The following NBEA variants were observed in gnomAD, a reference collection of about 807,000 sequenced individuals.
NBEA encodes the protein lysosomal-trafficking regulator 2.
A neutral mutation model predicts 343.4 loss-of-function variants in NBEA; 44 were observed. That is an observed-to-expected ratio of 0.13 (90% CI 0.10 to 0.16). The LOEUF (loss-of-function observed/expected upper bound fraction) is 0.16. NBEA is among the 10% of genes least tolerant of loss of function. NBEA has a pLI of 1.00. For synonymous variants in NBEA, 1,175 were observed against 1,238.7 expected (o/e 0.95, Z 1.08); for missense variants, 2,555 against 3,631.3 (o/e 0.70, Z 7.62).
At chr13:35,052,291 C>A (rs1435505247) in intron 6 of NBEA, among the ~76,000 whole-genome samples, 1 of 151,994 alleles carries the variant, frequency 6.6e-6, no homozygotes, top group African/African-American at 2.4e-5. Context: ...GAAATCTTTA[C>A]ATTAAAGCTT....
intron 1 of NBEA, among the ~76,000 whole-genome samples, chr13:34,949,477 G>A (rs1853572): frequency 0.92 from 139,709 of 152,274 alleles, 64,212 homozygotes; most frequent in Admixed American, 0.97. Context: ...CTCCAGCAGT[G>A]TAGCTGCTAG....
At chr13:35,529,068 A>G (rs1200446213) in intron 41 of NBEA, among the ~76,000 whole-genome samples, 2 of 152,030 alleles carry the variant, frequency 1.3e-5, no homozygotes, top group Admixed American at 1.3e-4. Context: ...TGTACTTACT[A>G]TGTTCTAGGA....
chr13:35,598,282 C>T (rs9574213), intron 47 of NBEA, among the ~76,000 whole-genome samples: 22,837 of 152,036 alleles, frequency 0.15, 1,900 homozygotes, highest in East Asian at 0.32. Context: ...AGTTCTGAAA[C>T]GCAGCCAGGA....
chr13:35,466,326 T>A (rs1412606786), intron 40 of NBEA, among the ~76,000 whole-genome samples: 3 of 152,218 alleles, frequency 2.0e-5, no homozygotes, highest in Non-Finnish European at 4.4e-5. Context: ...TTTGAGTTTA[T>A]AGAATATTTA....
chr13:35,118,756 AG>A (rs2152670676), intron 16 of NBEA, among the ~76,000 whole-genome samples: 2 of 152,248 alleles, frequency 1.3e-5, no homozygotes, highest in African/African-American at 4.8e-5. Flanking sequence ...GACACGAAAA[AG>A]CAAGGCACAT....
intron 1 of NBEA, among the ~76,000 whole-genome samples, chr13:34,998,838 G>T (rs1368400378): frequency 6.6e-6 from 1 of 152,130 alleles, no homozygotes. Flanking sequence ...AGCTTACGAA[G>T]ATGACGGGAT....
At chr13:35,353,284 A>G (rs1373381841) in intron 38 of NBEA, among the ~76,000 whole-genome samples, 1 of 152,102 alleles carries the variant, frequency 6.6e-6, no homozygotes, top group East Asian at 1.9e-4. Context: ...AAAACACAAA[A>G]ATTAGCCAGG....
intron 17 of NBEA, among the ~76,000 whole-genome samples, chr13:35,139,236 T>C (rs2067933322): frequency 6.6e-6 from 1 of 151,802 alleles, no homozygotes; most frequent in Non-Finnish European, 1.5e-5. Flanking sequence ...AATTTTTGTA[T>C]TTTTAGTGTA....
chr13:35,606,855 CTAATA>C (rs1429578739), intron 48 of NBEA, among the ~76,000 whole-genome samples: 3 of 152,070 alleles, frequency 2.0e-5, no homozygotes, highest in Admixed American at 6.6e-5. Flanking sequence ...CATCTGTTGA[CTAATA>C]TAATGTATTC....
intron 34 of NBEA, among the ~76,000 whole-genome samples, chr13:35,242,404 C>A (rs924393053): frequency 4.0e-5 from 6 of 151,682 alleles, no homozygotes; most frequent in African/African-American, 1.5e-4. Flanking sequence ...TGAACAGAGC[C>A]TAAAGGACCA....
intron 48 of NBEA, among the ~76,000 whole-genome samples, chr13:35,622,267 G>A (rs1020349230): frequency 6.6e-6 from 1 of 152,182 alleles, no homozygotes; most frequent in Non-Finnish European, 1.5e-5. Context: ...AGGAAGTCCT[G>A]AGAAACAGTG....
At chr13:35,482,467 C>T (rs573988157) in intron 41 of NBEA, among the ~76,000 whole-genome samples, 32 of 150,896 alleles carry the variant, frequency 2.1e-4, no homozygotes, top group South Asian at 4.2e-4. Context: ...CACACTTTTT[C>T]ATATAATGAT....
intron 30 of NBEA, among the ~76,000 whole-genome samples, chr13:35,190,784 A>G (rs1593678648): frequency 1.3e-5 from 2 of 152,156 alleles, no homozygotes; most frequent in South Asian, 2.1e-4. Flanking sequence ...AAAGCAGTTG[A>G]TATAAAATGC....
chr13:35,292,729 T>C (rs1161657477), intron 35 of NBEA, among the ~76,000 whole-genome samples: 1 of 152,072 alleles, frequency 6.6e-6, no homozygotes, highest in Non-Finnish European at 1.5e-5. Context: ...ATACTATGTG[T>C]ATATTTTTCC....
intron 31 of NBEA, among the ~76,000 whole-genome samples, chr13:35,204,984 T>C (rs2073287071): frequency 6.6e-6 from 1 of 152,144 alleles, no homozygotes; most frequent in Non-Finnish European, 1.5e-5. Flanking sequence ...ATTTTTACTC[T>C]CATATATGAA....
At chr13:35,575,183 A>G (rs1404398314) in intron 45 of NBEA, among the ~76,000 whole-genome samples, 1 of 152,188 alleles carries the variant, frequency 6.6e-6, no homozygotes, top group Non-Finnish European at 1.5e-5. Context: ...ACTTCTCTTT[A>G]TTATCGTTTC....
chr13:35,090,440 A>G (rs2065024156), intron 10 of NBEA, among the ~76,000 whole-genome samples: 1 of 152,002 alleles, frequency 6.6e-6, no homozygotes, highest in Non-Finnish European at 1.5e-5. Context: ...ATTAATAACA[A>G]ACATTGTCTC....
intron 10 of NBEA, among the ~76,000 whole-genome samples, chr13:35,081,208 G>T (rs1469043855): frequency 1.3e-5 from 2 of 151,896 alleles, no homozygotes; most frequent in Non-Finnish European, 2.9e-5. Context: ...ATCTCATCAG[G>T]GTTATGAGCA....
chr13:35,661,029 A>C (rs1211754101), intron 55 of NBEA, among the ~76,000 whole-genome samples: 2 of 152,156 alleles, frequency 1.3e-5, no homozygotes, highest in Admixed American at 6.5e-5. Context: ...CCTCATTCTA[A>C]CACCAGTAGA....
Sources: gnomAD v4.1 joint callset for allele counts (sites outside exome capture counted in the v4.1 genomes callset) on GRCh38, gnomAD v4.1.1 for gene constraint, MANE v1.5 for transcripts, NCBI Gene and HGNC (gene_info 2026-07-23, HGNC 2026-07-21) for gene names.